The following UGT1A4 variants were observed in gnomAD, a reference collection of about 807,000 sequenced individuals.
UGT1A4 encodes the protein UDP glucuronosyltransferase family 1 member A4.
Under a neutral mutation model 41.1 loss-of-function variants are expected in UGT1A4, and 32 were observed. The observed-to-expected ratio is 0.78, with a 90% CI of 0.59 to 1.05. The LOEUF (loss-of-function observed/expected upper bound fraction) is 1.05. Among genes scored for constraint, UGT1A4 ranks in the 50% least tolerant of loss-of-function variants. UGT1A4 has a pLI of 0.00. For synonymous variants in UGT1A4, 283 were observed against 265.1 expected (o/e 1.07, Z -0.66); for missense variants, 748 against 677.4 (o/e 1.10, Z -1.16).
At chr2:233,762,454 C>T (rs1698080898) in intron 1 of UGT1A4, among the ~76,000 whole-genome samples, 1 of 152,194 alleles carries the variant, frequency 6.6e-6, no homozygotes, top group African/African-American at 2.4e-5. Context: ...TGCCCACTTA[C>T]CGATAATGTC....
At chr2:233,734,371 T>C (rs1011437447) in intron 1 of UGT1A4, among the ~76,000 whole-genome samples, 3 of 152,202 alleles carry the variant, frequency 2.0e-5, no homozygotes, top group Non-Finnish European at 4.4e-5. Flanking sequence ...GGTGGTGATA[T>C]TGCCTTTACT....
At chr2:233,757,562 GTATATA>G (rs1491042837) in intron 1 of UGT1A4, among the ~76,000 whole-genome samples, 1 of 90,870 alleles carries the variant, frequency 1.1e-5, no homozygotes, top group South Asian at 4.4e-4. Context: ...ATATATATAT[GTATATA>G]TGATATAGCT....
Position 233,719,322 on chromosome 2 carries a change from C to T in UGT1A4, c.502C>T (p.Pro168Ser), listed in dbSNP as rs773289420. Residue 168 changes from proline to serine, a missense_variant, in exon 1 of 5, where the codon CCT (proline) becomes TCT (serine). Transcript: ENST00000373409. ...GAVLAKYLSI[P>S]AVFFWRYIPC... ...GGTGCTGGCTAAGTACCTGTCGATT[C>T]CTGCTGTGTTTTTTTGGAGGTACAT... The T allele has an allele frequency of 3.1e-6, 5 of 1,613,788 alleles. No individual in the cohort carries two copies. In the African/African-American group the frequency reaches 6.7e-5, roughly 22 times the overall value.
chr2:233,732,226 C>A (rs1208846132), intron 1 of UGT1A4, among the ~76,000 whole-genome samples: 1 of 152,142 alleles, frequency 6.6e-6, no homozygotes, highest in Non-Finnish European at 1.5e-5. Context: ...AAAATTTTCT[C>A]CCATTCTGTA....
At position 233,767,975 on chromosome 2, in the gene UGT1A4, T is replaced by A. The variant is rs772516341; in HGVS notation, c.1087+39T>A. The A allele has an allele frequency of 6.2e-6, 10 of 1,614,016 alleles. No homozygotes were observed. The African/African-American group carries it at 1.3e-4, about 22-fold the overall frequency. On this transcript the variant is annotated intron_variant, in intron 3 of 4. Transcript: ENST00000373409. ...ATTGGATGTATAGGTCAAACCAGGGTCAAATTAAGAAAATGGCTTAAGCAC... is the reference window on the plus strand; with the variant it reads ...ATTGGATGTATAGGTCAAACCAGGGACAAATTAAGAAAATGGCTTAAGCAC...
chr2:233,767,737 C>A, intron 2 of UGT1A4, 112 bp from the exon 3 acceptor site: 1 of 1,571,400 alleles, frequency 6.4e-7, no homozygotes, highest in South Asian at 1.2e-5. Context: ...TCCTCCCACT[C>A]TGTTAAAGAC....
At chr2:233,739,325 C>T (rs894619424) in intron 1 of UGT1A4, among the ~76,000 whole-genome samples, 5 of 152,154 alleles carry the variant, frequency 3.3e-5, no homozygotes, top group African/African-American at 1.2e-4. Flanking sequence ...GAGAAGAAGG[C>T]CACAGTCCTT....
Position 233,747,650 on chromosome 2 carries a change from C to T in UGT1A4, c.868-19384C>T, listed in dbSNP as rs980868950. 70 of 1,587,860 alleles carry T rather than the reference C, an allele frequency of 4.4e-5. 1 individual carries two copies. The highest frequency in any genetic ancestry group is 2.1e-4 in the South Asian group (19 of 90,526). On this transcript the variant is annotated intron_variant, in intron 1 of 4. Transcript: ENST00000373409. Reference sequence around the variant, plus strand: ...TCAGGCACCTGAATGCTACTTCCTTCGATGTGGTTTTAATAGACCCAATTT... The same window carrying T: ...TCAGGCACCTGAATGCTACTTCCTTTGATGTGGTTTTAATAGACCCAATTT...
At chr2:233,754,984 G>A (rs527779009) in intron 1 of UGT1A4, 1 of 1,295,398 alleles carries the variant, frequency 7.7e-7, no homozygotes, top group Non-Finnish European at 1.0e-6. Context: ...ACCTCGGCGG[G>A]GTCACGGAAG....
rs369738416 is a variant in UGT1A4 at position 233,718,805 on chromosome 2, G to A, written c.-16G>A. On this transcript the variant is annotated 5_prime_UTR_variant, in exon 1 of 5. Transcript: ENST00000373409. The stretch of plus-strand genomic sequence containing the variant: ...AGCGTGGGGTGGACAGTCAGCTGTC[G>A]GTGGCTTCTGCTGAGATGGCCAGAG... 6.6e-5 allele frequency: 107 copies of A among 1,613,182 alleles called. No homozygotes were observed. The African/African-American group carries it at 1.2e-3, about 18-fold the overall frequency.
intron 1 of UGT1A4, chr2:233,729,825 C>T (rs770263678): frequency 5.6e-6 from 9 of 1,613,784 alleles, no homozygotes; most frequent in African/African-American, 2.7e-5. Context: ...CTTATGCAAG[C>T]CTTGCCTCTG....
At chr2:233,727,258 C>T (rs899860562) in intron 1 of UGT1A4, among the ~76,000 whole-genome samples, 1 of 152,158 alleles carries the variant, frequency 6.6e-6, no homozygotes, top group African/African-American at 2.4e-5. Flanking sequence ...GCAGCCCAGA[C>T]CCCTCCTCAT....
intron 1 of UGT1A4, chr2:233,729,272 G>C: frequency 6.2e-7 from 1 of 1,614,200 alleles, no homozygotes; most frequent in South Asian, 1.1e-5. Flanking sequence ...GAGGTCTTGC[G>C]GGAGCTCCAT....
chr2:233,720,218 T>C (rs1362764993), intron 1 of UGT1A4, among the ~76,000 whole-genome samples: 2 of 152,126 alleles, frequency 1.3e-5, no homozygotes, highest in African/African-American at 2.4e-5. Context: ...GATGGATGCA[T>C]GTGATCAGAG....
At chr2:233,740,990 G>A (rs1192365077) in intron 1 of UGT1A4, 1 of 151,728 alleles carries the variant, frequency 6.6e-6, no homozygotes, top group East Asian at 1.9e-4. Context: ...GGAATGCTGA[G>A]GAGGAAGGAT....
chr2:233,721,930 C>T (rs557972236), intron 1 of UGT1A4: 22 of 377,682 alleles, frequency 5.8e-5, no homozygotes, highest in South Asian at 4.7e-4. Flanking sequence ...AAGTGACATC[C>T]TTCAGACACT....
Position 233,772,408 on chromosome 2 carries a change from A to C in UGT1A4, c.1454A>C (p.Tyr485Ser), listed in dbSNP as rs1700517999. 1 of 1,614,210 alleles carries C rather than the reference A, an allele frequency of 6.2e-7. No individual in the cohort carries two copies. Among genetic ancestry groups the C allele is most frequent in the Non-Finnish European group, 8.5e-7 (1 of 1,180,026 alleles). ...CCCGCAGCCCACGACCTCACCTGGT[A>C]CCAGTACCATTCCTTGGACGTGATT... is the stretch of plus-strand genomic sequence containing the variant. ...LRPAAHDLTWYQYHSLDVIGF... is the reference protein window; with the variant it reads ...LRPAAHDLTWSQYHSLDVIGF... Residue 485 changes from tyrosine (Y) to serine (S), a missense_variant, in exon 5 of 5, where the codon TAC becomes TCC. Physicochemically the swap from Tyr to Ser is moderately radical, Grantham distance 144 (BLOSUM62 -2). Transcript: ENST00000373409.
At position 233,719,069 on chromosome 2, in the gene UGT1A4, A is replaced by G. The variant is rs774814247; in HGVS notation, c.249A>G (p.Pro83=). The change falls in exon 1 of 5, where the codon CCA becomes CCG. Residue 83 remains proline, a synonymous_variant. Coordinates refer to ENST00000373409, the MANE Select transcript of UGT1A4 (RefSeq NM_007120.3). ...KFFTLTAYAV[P]WTQKEFDRVT... ...TCACCCTGACAGCCTATGCTGTTCC[A>G]TGGACCCAGAAGGAATTTGATCGCG... is the stretch of plus-strand genomic sequence containing the variant. 12 of 1,614,284 alleles carry G rather than the reference A, an allele frequency of 7.4e-6. No homozygotes were observed. The highest frequency in any genetic ancestry group is 1.1e-5 in the South Asian group (1 of 91,082).
In UGT1A4 at chr2:233,724,166, C is replaced by A. The variant is rs1252861815; in HGVS notation, c.867+4479C>A. 7.0e-5 allele frequency among the ~76,000 whole-genome samples: 8 copies of A among 114,362 alleles called. No individual in the cohort carries two copies. In the East Asian group the frequency reaches 1.8e-3, roughly 26 times the overall value. The allele number at this position is 114,362 out of a possible 152,430, so 75.0% of individuals were successfully genotyped here. On this transcript the variant is annotated intron_variant, in intron 1 of 4. Transcript: ENST00000373409. Reference sequence around the variant, plus strand: ...CGGCTGGCCGGGTGGGGGGGCTGACCCCCCCATCTCCCTCCCGGACGGGGT... The same window carrying A: ...CGGCTGGCCGGGTGGGGGGGCTGACACCCCCATCTCCCTCCCGGACGGGGT...
Sources: allele counts gnomAD v4.1 joint callset (sites outside exome capture counted in the v4.1 genomes callset), GRCh38; gene constraint gnomAD v4.1.1; transcripts MANE v1.5; gene names NCBI Gene and HGNC (gene_info 2026-07-23, HGNC 2026-07-21).